Variants in DLGAP1 observed in about 807,000 individuals in gnomAD.
DLGAP1 encodes DLG associated protein 1.
In DLGAP1, 11 loss-of-function variants were observed where a neutral mutation model predicts 90.8. That is an observed-to-expected ratio of 0.12 (90% CI 0.08 to 0.20). The LOEUF (loss-of-function observed/expected upper bound fraction) is 0.20, where lower values mean the gene tolerates loss of function less well. Ranked by LOEUF, DLGAP1 falls within the 10% of genes least tolerant of loss-of-function variation. DLGAP1 has a pLI of 1.00. For missense variants in DLGAP1, 1,050 were observed against 1,333.8 expected, an observed-to-expected ratio of 0.79 and a Z score of 3.31; for synonymous variants, 558 against 540.7, an observed-to-expected ratio of 1.03 and a Z score of -0.44.
intron 2 of DLGAP1, among the ~76,000 whole-genome samples, chr18:4,089,990 A>C (rs1350772021): frequency 1.3e-5 from 2 of 152,274 alleles, no homozygotes; most frequent in Admixed American, 6.5e-5. Context: ...GTTTGCAGTG[A>C]GCCAAGATCG....
intron 4 of DLGAP1, chr18:3,874,550 A>C: frequency 6.8e-7 from 1 of 1,472,886 alleles, no homozygotes; most frequent in Non-Finnish European, 8.9e-7. Flanking sequence ...CAACAACAAA[A>C]ACCACCTTTT....
chr18:3,619,809 T>G (rs550560756), intron 7 of DLGAP1, among the ~76,000 whole-genome samples: 1 of 151,212 alleles, frequency 6.6e-6, no homozygotes, highest in East Asian at 2.0e-4. Flanking sequence ...GGTTTTTTTT[T>G]GTTTTTTGTT....
chr18:4,064,067 T>C (rs149110026), intron 2 of DLGAP1, among the ~76,000 whole-genome samples: 5 of 152,188 alleles, frequency 3.3e-5, no homozygotes, highest in African/African-American at 1.2e-4. Flanking sequence ...TCTTTTAGCA[T>C]CTGGCATCAT....
At chr18:3,684,189 T>A (rs1490270832) in intron 7 of DLGAP1, among the ~76,000 whole-genome samples, 1 of 151,670 alleles carries the variant, frequency 6.6e-6, no homozygotes, top group Non-Finnish European at 1.5e-5. Context: ...TAATTAAAAT[T>A]TTTTTTCCTT....
At chr18:3,890,128 T>C (rs1172696993) in intron 3 of DLGAP1, among the ~76,000 whole-genome samples, 2 of 152,236 alleles carry the variant, frequency 1.3e-5, no homozygotes, top group African/African-American at 4.8e-5. Flanking sequence ...CCTCCACCAC[T>C]GTGGTCTACA....
chr18:3,879,926 G>A lies in DLGAP1; in HGVS notation c.143C>T (p.Thr48Ile). ...EHHPADHPYY[T>I]QRNSFQAECV... is the part of the protein sequence containing the mutation. Reference sequence around the variant, plus strand: ...CTCAGCCTGGAAGGAGTTCCGCTGGGTGTAGTATGGGTGGTCTGCGGGGTG... The same window carrying A: ...CTCAGCCTGGAAGGAGTTCCGCTGGATGTAGTATGGGTGGTCTGCGGGGTG... Residue 48 changes from threonine to isoleucine, a missense_variant, in exon 4 of 13, where the codon ACC (threonine) becomes ATC (isoleucine). Thr to Ile is a moderately conservative substitution (Grantham distance 89). Around this residue, in one of 2 missense-constraint regions of DLGAP1, gnomAD observed 485 missense variants for 454.1 expected, o/e 1.07. Transcript: ENST00000315677. The surrounding 1 kb of genome is among the most constrained non-coding windows in gnomAD (Gnocchi z 6.6). 1.2e-6 allele frequency: 2 copies of A among 1,612,918 alleles called. No individual in the cohort carries two copies. The highest frequency in any genetic ancestry group is 1.7e-6 in the Non-Finnish European group (2 of 1,179,970).
intron 2 of DLGAP1, among the ~76,000 whole-genome samples, chr18:4,096,036 T>C (rs1353006682): frequency 1.3e-5 from 2 of 152,136 alleles, no homozygotes; most frequent in Non-Finnish European, 2.9e-5. Flanking sequence ...TTTTGGGGAT[T>C]TGTTTTTGAG....
chr18:4,225,889 G>C (rs950918399), intron 1 of DLGAP1, among the ~76,000 whole-genome samples: 1 of 152,046 alleles, frequency 6.6e-6, no homozygotes, highest in African/African-American at 2.4e-5. Context: ...GGTTCAAAGG[G>C]ATAATAACAC....
In DLGAP1 at chr18:4,321,968, G is replaced by GC. The variant is rs528070218; in HGVS notation, c.-267+133037_-267+133038insG. ...AACTCAGCAGTTTGGGAGGCCTAGG[G>GC]GGGTGGATCACATGAGGTCTCAGGA... On this transcript the variant is annotated intron_variant, in intron 1 of 12. Transcript: ENST00000315677. 7.6e-3 allele frequency among the ~76,000 whole-genome samples: 1,156 copies of GC among 151,470 alleles called. 19 individuals carry two copies. The highest frequency in any genetic ancestry group is 0.027 in the African/African-American group (1,096 of 41,224).
chr18:3,616,946 T>A (rs1395003364), intron 7 of DLGAP1, among the ~76,000 whole-genome samples: 2 of 152,134 alleles, frequency 1.3e-5, no homozygotes, highest in Admixed American at 1.3e-4. Flanking sequence ...AGCCCAGCTG[T>A]CCTGAGGCTG....
At chr18:3,602,608 A>AC (rs1568284627) in intron 7 of DLGAP1, among the ~76,000 whole-genome samples, 2 of 151,498 alleles carry the variant, frequency 1.3e-5, no homozygotes, top group African/African-American at 4.9e-5. Flanking sequence ...AAAAAAAAAA[A>AC]AAAAAAAACA....
At chr18:3,794,568 T>G (rs910678702) in intron 5 of DLGAP1, among the ~76,000 whole-genome samples, 2 of 152,176 alleles carry the variant, frequency 1.3e-5, no homozygotes, top group Non-Finnish European at 2.9e-5. Flanking sequence ...GGTTCCTCTA[T>G]GTATAAAGAG....
At chr18:4,372,533 A>T (rs1375788761) in intron 1 of DLGAP1, among the ~76,000 whole-genome samples, 1 of 152,210 alleles carries the variant, frequency 6.6e-6, no homozygotes, top group Non-Finnish European at 1.5e-5. Context: ...CTGGTGTTAG[A>T]GGAAGGGGTA....
At chr18:4,026,258 T>C (rs1021061864) in intron 2 of DLGAP1, among the ~76,000 whole-genome samples, 1 of 152,114 alleles carries the variant, frequency 6.6e-6, no homozygotes, top group Non-Finnish European at 1.5e-5. Context: ...CAGGGGTCAG[T>C]GGGTGGATTT....
At chr18:3,700,067 G>A (rs1431182372) in intron 7 of DLGAP1, among the ~76,000 whole-genome samples, 2 of 152,158 alleles carry the variant, frequency 1.3e-5, no homozygotes, top group East Asian at 3.9e-4. Flanking sequence ...GGCTCTCTGG[G>A]GGTGGGATCC....
At chr18:3,563,450 G>A (rs2054256509) in intron 9 of DLGAP1, among the ~76,000 whole-genome samples, 2 of 147,084 alleles carry the variant, frequency 1.4e-5, no homozygotes, top group Admixed American at 7.0e-5. Flanking sequence ...CAGATAATCT[G>A]TTATGGCTTT....
At chr18:3,833,032 T>C in intron 4 of DLGAP1, among the ~76,000 whole-genome samples, 1 of 152,228 alleles carries the variant, frequency 6.6e-6, no homozygotes, top group Non-Finnish European at 1.5e-5. Flanking sequence ...CAAATAGCTT[T>C]CTAAAGGAGA....
chr18:4,378,954 G>T lies in DLGAP1; in HGVS notation c.-267+76052C>A, dbSNP rs1038338242. On this transcript the variant is annotated intron_variant, in intron 1 of 12. Transcript: ENST00000315677. The surrounding 1 kb of genome is among the most constrained non-coding windows in gnomAD (Gnocchi z 4.5). ...TCCCCTCCAGAGAGAGTGAGTCCCT[G>T]CTTATCCATGTTCACAGCATGTGAT... Among the ~76,000 whole-genome samples, 1 of 152,056 alleles carries T rather than the reference G, an allele frequency of 6.6e-6. No individual in the cohort carries two copies. Among genetic ancestry groups the T allele is most frequent in the African/African-American group, 2.4e-5 (1 of 41,412 alleles).
intron 1 of DLGAP1, among the ~76,000 whole-genome samples, chr18:4,385,752 G>T (rs1423722691): frequency 1.3e-5 from 2 of 152,096 alleles, no homozygotes; most frequent in Non-Finnish European, 2.9e-5. Context: ...ACATTGGAAA[G>T]TAAATTTATT....
Sources: allele counts gnomAD v4.1 joint callset (sites outside exome capture counted in the v4.1 genomes callset), GRCh38; gene constraint gnomAD v4.1.1; regional missense constraint gnomAD v4.1.1; non-coding constraint Gnocchi (gnomAD v3.1); transcripts MANE v1.5; gene names NCBI Gene and HGNC (gene_info 2026-07-23, HGNC 2026-07-21).